GIGYF2: variants seen among roughly 807,000 people sequenced by gnomAD.
The protein encoded by GIGYF2 is GRB10-interacting GYF protein 2.
Under a neutral mutation model 208.1 loss-of-function variants are expected in GIGYF2, and 25 were observed. That is an observed-to-expected ratio of 0.12 (90% CI 0.09 to 0.17). GIGYF2 has a LOEUF of 0.17. Ranked by LOEUF, GIGYF2 falls within the 10% of genes least tolerant of loss-of-function variation. The pLI, the probability that GIGYF2 is intolerant of heterozygous loss-of-function variation, is 1.00. For synonymous variants in GIGYF2, 534 were observed against 543.8 expected, an observed-to-expected ratio of 0.98 and a Z score of 0.25; for missense variants, 1,302 against 1,579.4, an observed-to-expected ratio of 0.82 and a Z score of 2.98.
At chr2:232,730,385 A>AT (rs1471047589) in intron 2 of GIGYF2, among the ~76,000 whole-genome samples, 3 of 150,734 alleles carry the variant, frequency 2.0e-5, no homozygotes, top group South Asian at 2.1e-4. Flanking sequence ...CAGGTGGATC[A>AT]TTTAAGGTTG....
At position 232,841,747 on chromosome 2, in the gene GIGYF2, C is replaced by T. The variant is rs374543805; in HGVS notation, c.2889+1776C>T. 9.2e-5 allele frequency among the ~76,000 whole-genome samples: 14 copies of T among 152,204 alleles called. No individual in the cohort carries two copies. The East Asian group carries it at 2.7e-3, about 29-fold the overall frequency. On this transcript the variant is annotated intron_variant, in intron 23 of 28. Transcript: ENST00000373563. ...CAAGATGATTTTATTTCATTATCATCCCTGGAGGCATCCTTTCTGGGGGCC... is the reference window on the plus strand; with the variant it reads ...CAAGATGATTTTATTTCATTATCATTCCTGGAGGCATCCTTTCTGGGGGCC...
intron 8 of GIGYF2, among the ~76,000 whole-genome samples, chr2:232,783,241 G>A (rs893087982): frequency 1.3e-5 from 2 of 152,148 alleles, no homozygotes; most frequent in South Asian, 4.1e-4. Context: ...GTTCCAAAAA[G>A]GATTTGAGGC....
intron 1 of GIGYF2, chr2:232,698,387 C>T (rs1047529138): frequency 1.3e-5 from 2 of 152,144 alleles, no homozygotes; most frequent in Admixed American, 6.5e-5. Flanking sequence ...GAGCTACATA[C>T]ATTGAATTAA....
chr2:232,790,608 A>C, intron 9 of GIGYF2, 90 bp from the exon 10 acceptor site: 2 of 1,084,396 alleles, frequency 1.8e-6, no homozygotes, highest in East Asian at 2.4e-5. Context: ...GGTCACTTGT[A>C]GTTTTCTCCT....
At chr2:232,746,571 A>G (rs1213097610) in intron 3 of GIGYF2, among the ~76,000 whole-genome samples, 1 of 152,088 alleles carries the variant, frequency 6.6e-6, no homozygotes, top group Non-Finnish European at 1.5e-5. Context: ...TTTTTGCTGA[A>G]GTTTTCTTCC....
chr2:232,752,655 C>T (rs1434152542), intron 5 of GIGYF2, among the ~76,000 whole-genome samples: 1 of 152,070 alleles, frequency 6.6e-6, no homozygotes, highest in African/African-American at 2.4e-5. Flanking sequence ...ATTCTCCTGC[C>T]TCAGCCTCCC....
chr2:232,712,685 A>G (rs1013350046), intron 2 of GIGYF2, among the ~76,000 whole-genome samples: 2 of 152,246 alleles, frequency 1.3e-5, no homozygotes, highest in African/African-American at 2.4e-5. Context: ...TAATAGTATT[A>G]TTAAAAAAAC....
In GIGYF2 at chr2:232,860,235, G is replaced by C. The variant is rs1690723913; in HGVS notation, c.*3375G>C. The C allele has an allele frequency of 6.6e-6, 1 of 152,116 alleles. No individual in the cohort carries two copies. Among genetic ancestry groups the C allele is most frequent in the African/African-American group, 2.4e-5 (1 of 41,420 alleles). The allele number at this position is 152,116 out of a possible 1,614,324, so 9.4% of individuals were successfully genotyped here. ...TGGTCTCAAACCCCTGGGCTCAAGTGATCCTGTTGCCTCAGCCTCCCAAGT... is the reference window on the plus strand; with the variant it reads ...TGGTCTCAAACCCCTGGGCTCAAGTCATCCTGTTGCCTCAGCCTCCCAAGT... On this transcript the variant is annotated 3_prime_UTR_variant, in exon 29 of 29. Transcript: ENST00000373563.
intron 14 of GIGYF2, among the ~76,000 whole-genome samples, chr2:232,803,497 A>G (rs185426435): frequency 2.0e-3 from 300 of 152,172 alleles, no homozygotes; most frequent in African/African-American, 6.9e-3. Flanking sequence ...TCCATTTTAA[A>G]TTAATTTTCA....
At chr2:232,743,409 CAT>C (rs1175147615) in intron 3 of GIGYF2, among the ~76,000 whole-genome samples, 9 of 152,232 alleles carry the variant, frequency 5.9e-5, no homozygotes, top group South Asian at 2.1e-4. Context: ...AGATAAAGAT[CAT>C]ATGTGGATTT....
At chr2:232,824,860 T>C (rs1234082884) in intron 21 of GIGYF2, among the ~76,000 whole-genome samples, 3 of 152,256 alleles carry the variant, frequency 2.0e-5, no homozygotes, top group Non-Finnish European at 4.4e-5. Context: ...TTTTAGGGGC[T>C]AATGCAGCTG....
chr2:232,807,413 A>T (rs1484926967), intron 15 of GIGYF2, among the ~76,000 whole-genome samples: 3 of 152,196 alleles, frequency 2.0e-5, no homozygotes, highest in Admixed American at 6.5e-5. Context: ...GTATGGTGGC[A>T]ATCAGTGGCA....
intron 3 of GIGYF2, among the ~76,000 whole-genome samples, chr2:232,738,837 T>C (rs892573679): frequency 3.3e-5 from 5 of 152,348 alleles, no homozygotes; most frequent in African/African-American, 1.2e-4. Flanking sequence ...TTTAAGGCTT[T>C]GGATGATATA....
intron 3 of GIGYF2, chr2:232,735,468 G>T: frequency 2.4e-6 from 1 of 413,978 alleles, no homozygotes. Context: ...TAATGATGGC[G>T]GGAGTCCCAC....
chr2:232,796,675 A>G (rs764969510), intron 14 of GIGYF2, among the ~76,000 whole-genome samples: 13 of 152,298 alleles, frequency 8.5e-5, no homozygotes, highest in Non-Finnish European at 1.8e-4. Context: ...CCTGGCCAAC[A>G]TAGTGAAACT....
intron 21 of GIGYF2, among the ~76,000 whole-genome samples, chr2:232,820,565 C>T (rs1389026592): frequency 1.3e-5 from 2 of 151,944 alleles, no homozygotes; most frequent in African/African-American, 2.4e-5. Flanking sequence ...CCACCCGCCT[C>T]GGCCTCCCAA....
chr2:232,815,558 T>C (rs1193127448), intron 18 of GIGYF2, 79 bp from the exon 19 acceptor site: 1 of 845,228 alleles, frequency 1.2e-6, no homozygotes, highest in Non-Finnish European at 2.0e-6. Flanking sequence ...GGGAAGCAGC[T>C]TTTTTCATGA....
rs868397376 is a variant in GIGYF2, at chr2:232,805,010, T to C, written c.1640-1481T>C. ...CCATAGGTTTTTGGGGAACAGGTGA[T>C]ATTTGGTTATATGAGTAAGTTATTT... is the stretch of plus-strand genomic sequence containing the variant. On this transcript the variant is annotated intron_variant, in intron 14 of 28. Coordinates refer to ENST00000373563, the MANE Select transcript of GIGYF2 (RefSeq NM_001103146.3). Among the ~76,000 whole-genome samples the C allele has an allele frequency of 2.0e-5, 3 of 152,270 alleles. No homozygotes were observed. The South Asian group carries it at 6.2e-4, about 32-fold the overall frequency.
At chr2:232,800,744 T>A (rs910758277) in intron 14 of GIGYF2, among the ~76,000 whole-genome samples, 1 of 151,984 alleles carries the variant, frequency 6.6e-6, no homozygotes, top group African/African-American at 2.4e-5. Flanking sequence ...GCTAATTATT[T>A]TTCTTTTTTA....
Sources: allele counts gnomAD v4.1 joint callset (sites outside exome capture counted in the v4.1 genomes callset), GRCh38; gene constraint gnomAD v4.1.1; transcripts MANE v1.5; gene names NCBI Gene and HGNC (gene_info 2026-07-23, HGNC 2026-07-21).